DNM3: variants seen among roughly 807,000 people sequenced by gnomAD.
DNM3 encodes the protein dynamin-3.
In DNM3, 47 loss-of-function variants were observed where a neutral mutation model predicts 101.6. The ratio of observed to expected loss-of-function variants is 0.46; its 90% CI spans 0.37 to 0.59. DNM3 has a LOEUF of 0.59. DNM3 is among the 20% of genes least tolerant of loss of function. The pLI, the probability that DNM3 is intolerant of heterozygous loss-of-function variation, is 0.00. For synonymous variants in DNM3, 385 were observed against 387.9 expected (o/e 0.99, Z 0.09); for missense variants, 849 against 1,085.7 (o/e 0.78, Z 3.06).
chr1:172,048,736 A>C lies in DNM3; in HGVS notation c.1321A>C (p.Lys441Gln). The part of the protein sequence containing the change: ...VIQELINTVK[K>Q]CTKKLANFPR... ...ACAAGAATTAATCAACACTGTGAAG[A>C]AGTGTACCAAAAAAGTAAGTTCGAA... Residue 441 changes from lysine (K) to glutamine (Q), a missense_variant, in exon 10 of 21, where the codon AAG becomes CAG. This residue lies in a region of DNM3 where 193 missense variants were observed against 238.4 expected (regional missense o/e 0.81). Coordinates refer to ENST00000627582, the MANE Select transcript of DNM3 (RefSeq NM_015569.5). 1 of 1,612,010 alleles carries C rather than the reference A, an allele frequency of 6.2e-7. No homozygotes were observed. Among genetic ancestry groups the C allele is most frequent in the Non-Finnish European group, 8.5e-7 (1 of 1,179,194 alleles).
At chr1:172,030,517 A>T (rs556714687) in intron 4 of DNM3, among the ~76,000 whole-genome samples, 1 of 152,328 alleles carries the variant, frequency 6.6e-6, no homozygotes, top group African/African-American at 2.4e-5. Flanking sequence ...TAAAACACCA[A>T]AGCAATGGCA....
At chr1:172,215,745 A>G (rs1027156169) in intron 14 of DNM3, among the ~76,000 whole-genome samples, 1 of 152,044 alleles carries the variant, frequency 6.6e-6, no homozygotes, top group African/African-American at 2.4e-5. Flanking sequence ...ACTAACTAAG[A>G]GTTAGTCCCT....
At chr1:172,357,068 A>G (rs2067489919) in intron 17 of DNM3, among the ~76,000 whole-genome samples, 2 of 152,110 alleles carry the variant, frequency 1.3e-5, no homozygotes, top group African/African-American at 4.8e-5. Context: ...ACATAAATAA[A>G]CAGTTGAATG....
chr1:172,139,149 AGG>A, intron 14 of DNM3: 3 of 315,026 alleles, frequency 9.5e-6, no homozygotes, highest in African/African-American at 2.3e-5. Flanking sequence ...TAAAATTTTA[AGG>A]AAAAAAAGAG....
chr1:172,096,048 G>A (rs986310044), intron 13 of DNM3, among the ~76,000 whole-genome samples: 2 of 152,100 alleles, frequency 1.3e-5, no homozygotes, highest in South Asian at 2.1e-4. Flanking sequence ...GGGGATGATG[G>A]TAAGTAAGCA....
Position 172,411,112 on chromosome 1 carries a change from G to C in DNM3, c.*3271G>C. The C allele has an allele frequency of 2.0e-6, 2 of 983,030 alleles. No homozygotes were observed. The highest frequency in any genetic ancestry group is 1.2e-6 in the Non-Finnish European group (1 of 827,876). The allele number at this position is 983,030 out of a possible 1,614,324, so 60.9% of individuals were successfully genotyped here. ...TATATATAAATATATGTATATGTAT[G>C]GTTGTAAATATCTATGTATACATGT... On this transcript the variant is annotated 3_prime_UTR_variant, in exon 21 of 21. Coordinates refer to ENST00000627582, the MANE Select transcript of DNM3 (RefSeq NM_015569.5).
rs1425413759 is a variant in DNM3 at position 172,233,183 on chromosome 1, C to G, written c.1660-20390C>G. Among the ~76,000 whole-genome samples, 3 of 151,776 alleles carry G rather than the reference C, an allele frequency of 2.0e-5. No individual in the cohort carries two copies. The East Asian group carries it at 5.8e-4, about 29-fold the overall frequency. ...AAAACAGAGAAGAATCAAATAGATGCAATAAAAAATGATAAAGGGGATATC... is the reference window on the plus strand; with the variant it reads ...AAAACAGAGAAGAATCAAATAGATGGAATAAAAAATGATAAAGGGGATATC... On this transcript the variant is annotated intron_variant, in intron 14 of 20. Coordinates refer to ENST00000627582, the MANE Select transcript of DNM3 (RefSeq NM_015569.5).
At chr1:172,036,856 G>T (rs1188834846) in intron 6 of DNM3, among the ~76,000 whole-genome samples, 2 of 151,508 alleles carry the variant, frequency 1.3e-5, no homozygotes, top group African/African-American at 4.8e-5. Flanking sequence ...GAGTGAACAG[G>T]CAACCTACAA....
chr1:172,257,877 AACAC>A (rs56955112), intron 15 of DNM3, among the ~76,000 whole-genome samples: 229 of 145,114 alleles, frequency 1.6e-3, no homozygotes, highest in Middle Eastern at 3.6e-3. Flanking sequence ...AACCCCCACC[AACAC>A]ACACACACAC....
At chr1:172,234,018 A>G (rs1014704928) in intron 14 of DNM3, among the ~76,000 whole-genome samples, 2 of 152,138 alleles carry the variant, frequency 1.3e-5, no homozygotes, top group Non-Finnish European at 1.5e-5. Flanking sequence ...CCTATTCAAC[A>G]TAGTGTTGGA....
intron 14 of DNM3, among the ~76,000 whole-genome samples, chr1:172,207,785 A>G (rs2060373012): frequency 6.6e-6 from 1 of 152,042 alleles, no homozygotes; most frequent in African/African-American, 2.4e-5. Context: ...TGTTTTTGGA[A>G]ATCTGAGTTT....
chr1:171,971,158 G>A (rs141403697), intron 2 of DNM3, among the ~76,000 whole-genome samples: 139 of 151,830 alleles, frequency 9.2e-4, no homozygotes, highest in South Asian at 4.6e-3. Context: ...TAAAAATTTG[G>A]TATGTGTTCT....
At chr1:171,910,316 A>T (rs984370631) in intron 1 of DNM3, among the ~76,000 whole-genome samples, 2 of 152,240 alleles carry the variant, frequency 1.3e-5, no homozygotes, top group South Asian at 4.1e-4. Flanking sequence ...TACACAATTT[A>T]TGTTTTAAAT....
intron 15 of DNM3, among the ~76,000 whole-genome samples, chr1:172,300,051 A>AT (rs2064362219): frequency 6.6e-6 from 1 of 151,996 alleles, no homozygotes; most frequent in Non-Finnish European, 1.5e-5. Flanking sequence ...AACATCTGTT[A>AT]TTTTTTGGCT....
intron 2 of DNM3, among the ~76,000 whole-genome samples, chr1:171,933,498 G>T (rs1171443625): frequency 6.6e-6 from 1 of 152,204 alleles, no homozygotes; most frequent in Non-Finnish European, 1.5e-5. Context: ...AGGTGATAAA[G>T]AAAGTGAGTG....
At chr1:172,189,638 C>A (rs2148429488) in intron 14 of DNM3, among the ~76,000 whole-genome samples, 2 of 151,984 alleles carry the variant, frequency 1.3e-5, no homozygotes, top group Admixed American at 1.3e-4. Flanking sequence ...ACTATATTAG[C>A]CCATTTTTGT....
At chr1:172,222,684 G>T (rs1368779693) in intron 14 of DNM3, among the ~76,000 whole-genome samples, 1 of 152,068 alleles carries the variant, frequency 6.6e-6, no homozygotes, top group Non-Finnish European at 1.5e-5. Flanking sequence ...CATATTTAGG[G>T]GTTTGTTTTG....
At chr1:171,881,752 G>A (rs1385824306) in intron 1 of DNM3, among the ~76,000 whole-genome samples, 1 of 122,928 alleles carries the variant, frequency 8.1e-6, no homozygotes, top group African/African-American at 3.0e-5. Flanking sequence ...CCTCCAGTGG[G>A]TGCTGACTGA....
At chr1:172,115,184 A>G (rs751178034) in intron 13 of DNM3, among the ~76,000 whole-genome samples, 14 of 152,204 alleles carry the variant, frequency 9.2e-5, no homozygotes, top group Non-Finnish European at 1.9e-4. Context: ...AAGGTGTTAG[A>G]TAATATTCCT....
Sources: allele counts gnomAD v4.1 joint callset (sites outside exome capture counted in the v4.1 genomes callset), GRCh38; gene constraint gnomAD v4.1.1; regional missense constraint gnomAD v4.1.1; transcripts MANE v1.5; gene names NCBI Gene and HGNC (gene_info 2026-07-23, HGNC 2026-07-21).